Variants in RSPO1 observed in about 807,000 individuals in gnomAD.
RSPO1 encodes the protein R-spondin 1.
A neutral mutation model predicts 26.0 loss-of-function variants in RSPO1; 18 were observed. The observed-to-expected ratio is 0.69, with a 90% CI of 0.48 to 1.03. RSPO1 has a LOEUF of 1.03. Among genes scored for constraint, RSPO1 ranks in the 50% least tolerant of loss-of-function variants. RSPO1 has a pLI of 0.00. For synonymous variants in RSPO1, 133 were observed against 137.4 expected, an observed-to-expected ratio of 0.97 and a Z score of 0.22; for missense variants, 309 against 352.3, an observed-to-expected ratio of 0.88 and a Z score of 0.98.
At chr1:37,626,409 C>G (rs937833307) in intron 3 of RSPO1, among the ~76,000 whole-genome samples, 1 of 152,200 alleles carries the variant, frequency 6.6e-6, no homozygotes, top group African/African-American at 2.4e-5. Context: ...AGCTGCACCC[C>G]ACTTCCTAAA....
At chr1:37,628,307 G>C in intron 3 of RSPO1, among the ~76,000 whole-genome samples, 1 of 152,202 alleles carries the variant, frequency 6.6e-6, no homozygotes, top group South Asian at 2.1e-4. Context: ...GAAAATCAAG[G>C]CCTTGCTGCT....
chr1:37,614,465 G>C (rs1644080753), intron 4 of RSPO1, 132 bp from the exon 5 acceptor site: 1 of 983,862 alleles, frequency 1.0e-6, no homozygotes, highest in South Asian at 1.4e-5. Flanking sequence ...TAGAGCTGCA[G>C]GTACTGCAGA....
rs551002072 is a variant in RSPO1, at chr1:37,613,419, G to A, written c.625+285C>T. 1.3e-5 allele frequency among the ~76,000 whole-genome samples: 2 copies of A among 152,318 alleles called. No individual in the cohort carries two copies. Among genetic ancestry groups the A allele is most frequent in the South Asian group, 2.1e-4 (1 of 4,826 alleles). ...CTTTTCACCCACCCATCCTGCCTCC[G>A]AGGGGCCTTCTAGTATGAACATCCA... On this transcript the variant is annotated intron_variant, in intron 6 of 6. Coordinates refer to ENST00000356545, the MANE Select transcript of RSPO1 (RefSeq NM_001242908.2). The surrounding 1 kb of genome is among the most constrained non-coding windows in gnomAD (Gnocchi z 4.5).
intron 3 of RSPO1, 93 bp downstream of exon 3, chr1:37,629,475 A>T: frequency 1.0e-6 from 1 of 957,364 alleles, no homozygotes; most frequent in Non-Finnish European, 1.7e-6. Flanking sequence ...TGCAAGGGTC[A>T]TCATGGAATA....
chr1:37,630,013 C>G (rs41267327), intron 2 of RSPO1, 64 bp from the exon 3 acceptor site: 12,334 of 745,154 alleles, frequency 0.017, 137 homozygotes, highest in Non-Finnish European at 0.021. Context: ...CTTATGCCTC[C>G]TGCCCTACCC....
chr1:37,628,138 T>C (rs769594693), intron 3 of RSPO1, among the ~76,000 whole-genome samples: 2 of 152,226 alleles, frequency 1.3e-5, no homozygotes, highest in Non-Finnish European at 2.9e-5. Flanking sequence ...GTTAAGCACA[T>C]GTACACATTG....
chr1:37,629,521 C>T (rs1644325314), intron 3 of RSPO1, 47 bp downstream of exon 3: 2 of 1,559,716 alleles, frequency 1.3e-6, no homozygotes, highest in East Asian at 2.2e-5. Context: ...GGGTGGCCCC[C>T]TCCCATTCCC....
chr1:37,626,670 C>A (rs762990879), intron 3 of RSPO1, among the ~76,000 whole-genome samples: 4 of 152,014 alleles, frequency 2.6e-5, no homozygotes, highest in African/African-American at 9.7e-5. Context: ...GGGGTAGAGG[C>A]TCCAGATGGA....
chr1:37,626,112 C>A (rs1394241485), intron 3 of RSPO1, among the ~76,000 whole-genome samples: 2 of 152,160 alleles, frequency 1.3e-5, no homozygotes, highest in African/African-American at 4.8e-5. Context: ...TTGATGAAAG[C>A]CTCAGTAGCT....
chr1:37,629,948 A>C lies in RSPO1; in HGVS notation c.-287T>G. 2 of 1,290,336 alleles carry C rather than the reference A, an allele frequency of 1.5e-6. No individual in the cohort carries two copies. Among genetic ancestry groups the C allele is most frequent in the Non-Finnish European group, 2.2e-6 (2 of 909,410 alleles). The allele number at this position is 1,290,336 out of a possible 1,614,324, so 79.9% of individuals were successfully genotyped here. A position where few individuals can be genotyped will look rare whatever the true frequency, so the allele number is the denominator to read the frequency against. On this transcript the variant is annotated splice_region_variant and 5_prime_UTR_variant, in exon 3 of 7. Transcript: ENST00000356545. ...TCAGCAGGGACTACTCCAAAAACCA[A>C]CCTGTCAGGGAAGGAGAAAGAAGGG...
chr1:37,612,729 A>G lies in RSPO1; in HGVS notation c.*26T>C, dbSNP rs764869923. The G allele has an allele frequency of 1.9e-6, 3 of 1,606,198 alleles. No individual in the cohort carries two copies. The highest frequency in any genetic ancestry group is 2.7e-5 in the African/African-American group (2 of 74,906). ...CAGAGTAGCACTGAACTCTTTCTGC[A>G]TGGGCCTGGAGGCTGGACAGTGTCC... is the stretch of plus-strand genomic sequence containing the variant. On this transcript the variant is annotated 3_prime_UTR_variant, in exon 7 of 7. Coordinates refer to ENST00000356545, the MANE Select transcript of RSPO1 (RefSeq NM_001242908.2).
rs1379164636 is a variant in RSPO1 at position 37,612,728 on chromosome 1, C to T, written c.*27G>A. The T allele has an allele frequency of 1.9e-6, 3 of 1,605,936 alleles. No homozygotes were observed. Among genetic ancestry groups the T allele is most frequent in the South Asian group, 2.2e-5 (2 of 91,076 alleles). ...GCAGAGTAGCACTGAACTCTTTCTG[C>T]ATGGGCCTGGAGGCTGGACAGTGTC... On this transcript the variant is annotated 3_prime_UTR_variant, in exon 7 of 7. Transcript: ENST00000356545.
intron 3 of RSPO1, among the ~76,000 whole-genome samples, chr1:37,628,479 G>A (rs1247330837): frequency 6.6e-6 from 1 of 152,224 alleles, no homozygotes; most frequent in African/African-American, 2.4e-5. Context: ...GCCTCCGTCT[G>A]CAGGGAAACA....
intron 3 of RSPO1, among the ~76,000 whole-genome samples, chr1:37,618,262 C>T (rs1199721922): frequency 6.6e-6 from 1 of 152,196 alleles, no homozygotes; most frequent in Non-Finnish European, 1.5e-5. Flanking sequence ...CATGTAAGTC[C>T]AGGAACCAGT....
At chr1:37,623,205 T>G (rs1204777942) in intron 3 of RSPO1, among the ~76,000 whole-genome samples, 5 of 124,434 alleles carry the variant, frequency 4.0e-5, no homozygotes, top group African/African-American at 1.5e-4. Flanking sequence ...CAGGATGTTC[T>G]CAGCTCAGAG....
chr1:37,629,908 G>C lies in RSPO1; in HGVS notation c.-247C>G, dbSNP rs187926864. On this transcript the variant is annotated 5_prime_UTR_variant, in exon 3 of 7. In the 5' UTR this introduces an upstream ATG that the reference lacks. Transcript: ENST00000356545. ...AGATACCTCGGAATATCATATGAGA[G>C]ATCTTTTTGTCACGTCAGCAGGGAC... 923 of 1,544,404 alleles carry C rather than the reference G, an allele frequency of 6.0e-4. 17 individuals are homozygous for C. In the South Asian group the frequency reaches 9.1e-3, roughly 15 times the overall value.
chr1:37,625,260 A>G (rs753299113), intron 3 of RSPO1, among the ~76,000 whole-genome samples: 28 of 152,184 alleles, frequency 1.8e-4, no homozygotes, highest in Non-Finnish European at 2.2e-4. Flanking sequence ...ACAAGGGTAT[A>G]AGGTTGAGGA....
At chr1:37,614,043 T>A (rs971268183) in intron 5 of RSPO1, 141 bp downstream of exon 5, 1 of 1,328,256 alleles carries the variant, frequency 7.5e-7, no homozygotes, top group South Asian at 1.2e-5. Context: ...GGCAGAAAAG[T>A]CCTTGGAGAC....
intron 4 of RSPO1, among the ~76,000 whole-genome samples, chr1:37,615,860 C>G (rs903470446): frequency 6.6e-6 from 1 of 152,170 alleles, no homozygotes; most frequent in Non-Finnish European, 1.5e-5. Context: ...TTGGATTCCC[C>G]TGCAGCCCAT....
Sources: allele counts gnomAD v4.1 joint callset (sites outside exome capture counted in the v4.1 genomes callset), GRCh38; gene constraint gnomAD v4.1.1; non-coding constraint Gnocchi (gnomAD v3.1); transcripts MANE v1.5; gene names NCBI Gene and HGNC (gene_info 2026-07-23, HGNC 2026-07-21).